Variants in SPATA13 observed in about 807,000 individuals in gnomAD.
SPATA13 encodes spermatogenesis-associated protein 13.
In SPATA13, 50 loss-of-function variants were observed where a neutral mutation model predicts 104.0. That is an observed-to-expected ratio of 0.48 (90% confidence interval 0.38 to 0.61). The LOEUF is 0.61. SPATA13 is among the 20% of genes least tolerant of loss of function. SPATA13 has a pLI of 0.00. For missense variants in SPATA13, 1,524 were observed against 1,690.6 expected (o/e 0.90, Z 1.73); for synonymous variants, 606 against 667.5 (o/e 0.91, Z 1.42).
rs1365061654 is a variant in SPATA13 at position 24,190,065 on chromosome 13, AC to A, written c.-112+29134del. ...ATTATTATATAACATATAATGATAT[AC>A]TATATATATTATTATATAACATATA... On this transcript the variant is annotated intron_variant, in intron 1 of 12. Transcript: ENST00000382108. Among the ~76,000 whole-genome samples, 48 of 90,492 alleles carry A rather than the reference AC, an allele frequency of 5.3e-4. 2 individuals are homozygous for A. Among genetic ancestry groups the A allele is most frequent in the East Asian group, 2.1e-3 (5 of 2,384 alleles). 59.4% of individuals were successfully genotyped at this position (90,492 alleles called of 152,430 possible).
chr13:24,229,467 G>A (rs1872140322), intron 2 of SPATA13, among the ~76,000 whole-genome samples: 1 of 152,154 alleles, frequency 6.6e-6, no homozygotes, highest in South Asian at 2.1e-4. Flanking sequence ...TGCCCCTGGG[G>A]ATGGTAAGAG....
Position 24,128,739 on chromosome 13 carries a change from A to T in SPATA13, c.-111-94080A>T, listed in dbSNP as rs1371194671. On this transcript the variant is annotated intron_variant, in intron 3 of 14. Coordinates refer to the SPATA13 transcript ENST00000424834. ...TAAAAAAAGTCCTACCTTATTTAAA[A>T]AAAAAAAAAAAACTGCTTACTTCCC... Among the ~76,000 whole-genome samples, 13 of 44,612 alleles carry T rather than the reference A, an allele frequency of 2.9e-4. No individual in the cohort carries two copies. The South Asian group carries it at 3.4e-3, about 12-fold the overall frequency. 29.3% of individuals were successfully genotyped at this position (44,612 alleles called of 152,430 possible). A position where few individuals can be genotyped will look rare whatever the true frequency, so the allele number is the denominator to read the frequency against.
At chr13:24,160,589 T>G, upstream of SPATA13, 2 of 347,384 alleles carry the variant, frequency 5.8e-6, no homozygotes, top group Non-Finnish European at 7.8e-6. Context: ...TGGTTGGTAG[T>G]GTGGGGGCGT....
Position 24,223,335 on chromosome 13 carries a change from A to G in SPATA13, c.406A>G (p.Lys136Glu). 3 of 1,551,484 alleles carry G rather than the reference A, an allele frequency of 1.9e-6. No homozygotes were observed. The highest frequency in any genetic ancestry group is 2.6e-6 in the Non-Finnish European group (3 of 1,146,992). Residue 136 changes from lysine to glutamate, a missense_variant, in exon 2 of 13, where the codon AAG (lysine) becomes GAG (glutamate). By Grantham distance (56) the Lys-to-Glu change is moderately conservative. Around this residue, in one of 2 missense-constraint regions of SPATA13, gnomAD observed 1,089 missense variants for 1,135.9 expected, o/e 0.96. Transcript: ENST00000382108. ...CCGAGAGGGGTCAAATGCCTGTTCA[A>G]AGGGAGAGGCTTCGGAGCATGGCCT... The part of the protein sequence containing the change: ...QSREGSNACS[K>E]GEASEHGLGK...
At chr13:24,117,731 C>T (rs1880899362) in intron 3 of SPATA13, among the ~76,000 whole-genome samples, 1 of 152,168 alleles carries the variant, frequency 6.6e-6, no homozygotes, top group Non-Finnish European at 1.5e-5. Flanking sequence ...GACAGTCCTC[C>T]CAGGACACTG....
rs1227720945 is a variant in SPATA13, at chr13:24,290,770, T to C, written c.2966T>C (p.Leu989Pro). ...YRHFFEACRL[L>P]QQMIDIAIDG... Reference sequence around the variant, plus strand: ...CATTTCTTTGAAGCCTGCCGCCTGCTGCAGCAGATGATTGACATCGCCATC... The same window carrying C: ...CATTTCTTTGAAGCCTGCCGCCTGCCGCAGCAGATGATTGACATCGCCATC... The change falls in exon 9 of 13, where the codon CTG becomes CCG. Residue 989 changes from leucine to proline, a missense_variant. Physicochemically the swap from Leu to Pro is moderately conservative, Grantham distance 98 (BLOSUM62 -3). Around this residue, in one of 2 missense-constraint regions of SPATA13, gnomAD observed 435 missense variants for 554.8 expected, o/e 0.78. Transcript: ENST00000382108. 1 of 1,614,228 alleles carries C rather than the reference T, an allele frequency of 6.2e-7. No homozygotes were observed. Among genetic ancestry groups the C allele is most frequent in the Non-Finnish European group, 8.5e-7 (1 of 1,180,024 alleles).
chr13:24,191,466 G>A (rs1035202653), intron 1 of SPATA13, among the ~76,000 whole-genome samples: 3 of 149,322 alleles, frequency 2.0e-5, no homozygotes, highest in African/African-American at 7.4e-5. Context: ...CCCAAGGCAT[G>A]GCTGTATCTC....
At chr13:24,022,096 G>C (rs1593282174) in intron 3 of SPATA13, among the ~76,000 whole-genome samples, 2 of 148,450 alleles carry the variant, frequency 1.3e-5, no homozygotes, top group South Asian at 4.3e-4. Flanking sequence ...TCTCTTGAAG[G>C]CTGGAGTGCA....
At chr13:24,278,976 C>CCCTCCCTA (rs1875264372) in intron 4 of SPATA13, among the ~76,000 whole-genome samples, 1 of 47,960 alleles carries the variant, frequency 2.1e-5, no homozygotes, top group Non-Finnish European at 5.8e-5. Context: ...CTCCTTCCCT[C>CCCTCCCTA]CCTCCCTCCC....
chr13:24,186,626 C>A (rs1173053635), intron 1 of SPATA13, among the ~76,000 whole-genome samples: 1 of 152,130 alleles, frequency 6.6e-6, no homozygotes, highest in East Asian at 1.9e-4. Context: ...AAGTTAGTTC[C>A]CTTTCAGAGT....
In SPATA13 at chr13:24,237,847, T is replaced by C; in HGVS notation, c.1654-11630T>C. On this transcript the variant is annotated intron_variant, in intron 2 of 12. Transcript: ENST00000382108. ...GTAGTAGACATTATATATGTATATA[T>C]AAAATATATCACATATATTATATAA... Among the ~76,000 whole-genome samples the C allele has an allele frequency of 1.4e-5, 2 of 147,800 alleles. 1 individual carries two copies. The highest frequency in any genetic ancestry group is 4.2e-4 in the South Asian group (2 of 4,778).
In SPATA13 at chr13:24,297,688, A is replaced by G. The variant is rs1566202667; in HGVS notation, c.3536A>G (p.Gln1179Arg). 1 of 1,614,150 alleles carries G rather than the reference A, an allele frequency of 6.2e-7. No homozygotes were observed. The highest frequency in any genetic ancestry group is 1.1e-5 in the South Asian group (1 of 91,086). The change falls in exon 11 of 13, where the codon CAG becomes CGG. Residue 1179 changes from glutamine to arginine, a missense_variant. Physicochemically the swap from Gln to Arg is conservative, Grantham distance 43 (BLOSUM62 1). Transcript: ENST00000382108. ...CAAGAAGACAAGGCGAGGTGGCTGC[A>G]GGCCTGTGCAGATGAAAGGAGGCGG... ...KKQEDKARWL[Q>R]ACADERRRVQ...
At chr13:24,201,031 TCACA>T (rs10529866) in intron 1 of SPATA13, among the ~76,000 whole-genome samples, 7,917 of 150,242 alleles carry the variant, frequency 0.053, 496 homozygotes, top group African/African-American at 0.15. Flanking sequence ...AGCTAGTCAG[TCACA>T]CACACACACA....
At position 24,297,012 on chromosome 13, in the gene SPATA13, TTTG is replaced by T. The variant is rs565623730; in HGVS notation, c.3211-336_3211-334del. ...AAGGAATCCAAATTGGGAGTTTGTT[TTTG>T]TTGTTGTTGTTGTTTGTTTGTTTGT... On this transcript the variant is annotated intron_variant, in intron 10 of 12. Coordinates refer to ENST00000382108, the MANE Select transcript of SPATA13 (RefSeq NM_001166271.3). Among the ~76,000 whole-genome samples the T allele has an allele frequency of 7.2e-3, 1,088 of 152,032 alleles. 2 individuals are homozygous for T. Among genetic ancestry groups the T allele is most frequent in the Non-Finnish European group, 0.011 (735 of 67,948 alleles).
chr13:24,298,590 A>C (rs1456058101), intron 11 of SPATA13, among the ~76,000 whole-genome samples: 1 of 152,194 alleles, frequency 6.6e-6, no homozygotes, highest in Admixed American at 6.5e-5. Flanking sequence ...TCAGGGAGCC[A>C]CAGTGAAGGA....
chr13:24,267,780 C>A (rs564703191), intron 4 of SPATA13, among the ~76,000 whole-genome samples: 8 of 152,316 alleles, frequency 5.3e-5, no homozygotes, highest in African/African-American at 1.9e-4. Flanking sequence ...AACTCAAGCC[C>A]ACCCATTCAT....
intron 2 of SPATA13, among the ~76,000 whole-genome samples, chr13:24,227,823 G>C (rs767302979): frequency 2.0e-5 from 3 of 152,134 alleles, no homozygotes; most frequent in Non-Finnish European, 2.9e-5. Flanking sequence ...GCCTACCTCA[G>C]CCTTCCAAAG....
intron 9 of SPATA13, among the ~76,000 whole-genome samples, chr13:24,292,284 T>C (rs1314886537): frequency 6.6e-6 from 1 of 152,216 alleles, no homozygotes; most frequent in Non-Finnish European, 1.5e-5. Context: ...GAAAATGTCA[T>C]CACAGCACAG....
intron 3 of SPATA13, among the ~76,000 whole-genome samples, chr13:24,154,116 C>A (rs1364565716): frequency 3.4e-5 from 5 of 147,012 alleles, no homozygotes; most frequent in African/African-American, 1.2e-4. Flanking sequence ...TAAACTGATA[C>A]AAGCATTTTG....
Sources: gnomAD v4.1 joint callset for allele counts (sites outside exome capture counted in the v4.1 genomes callset) on GRCh38, gnomAD v4.1.1 for gene constraint, gnomAD v4.1.1 regional missense constraint, MANE v1.5 for transcripts, NCBI Gene and HGNC (gene_info 2026-07-23, HGNC 2026-07-21) for gene names.